UTRN: variants seen among roughly 807,000 people sequenced by gnomAD.
The protein encoded by UTRN is utrophin.
Under a neutral mutation model 463.9 loss-of-function variants are expected in UTRN, and 283 were observed. That is an observed-to-expected ratio of 0.61 (90% CI 0.55 to 0.67). The LOEUF (loss-of-function observed/expected upper bound fraction) is 0.67. Ranked by LOEUF, UTRN falls within the 30% of genes least tolerant of loss-of-function variation. The pLI, the probability that UTRN is intolerant of heterozygous loss-of-function variation, is 0.00. For synonymous variants in UTRN, 1,442 were observed against 1,431.5 expected, an observed-to-expected ratio of 1.01 and a Z score of -0.17; for missense variants, 3,922 against 4,084.3, an observed-to-expected ratio of 0.96 and a Z score of 1.08.
chr6:144,623,461 G>T (rs1775632365), intron 51 of UTRN, among the ~76,000 whole-genome samples: 1 of 152,110 alleles, frequency 6.6e-6, no homozygotes, highest in African/African-American at 2.4e-5. Context: ...CTAAGTACTT[G>T]TTACTCTTAA....
chr6:144,486,596 A>G (rs1194195402), intron 28 of UTRN, among the ~76,000 whole-genome samples: 1 of 151,912 alleles, frequency 6.6e-6, no homozygotes, highest in Non-Finnish European at 1.5e-5. Flanking sequence ...ATTTTGGCTC[A>G]CTGCAACCTC....
intron 41 of UTRN, among the ~76,000 whole-genome samples, chr6:144,526,661 C>T (rs761920821): frequency 6.6e-6 from 1 of 150,864 alleles, no homozygotes; most frequent in Non-Finnish European, 1.5e-5. Context: ...TTAAATGAAG[C>T]ATTTAGGCCA....
chr6:144,614,208 G>A (rs1805826870), intron 51 of UTRN, among the ~76,000 whole-genome samples: 1 of 152,110 alleles, frequency 6.6e-6, no homozygotes, highest in African/African-American at 2.4e-5. Flanking sequence ...GTGCTGTGGG[G>A]AGGTGTTGAA....
intron 2 of UTRN, among the ~76,000 whole-genome samples, chr6:144,327,180 G>A (rs548409664): frequency 6.6e-6 from 1 of 152,268 alleles, no homozygotes; most frequent in African/African-American, 2.4e-5. Flanking sequence ...AGAAAACAGG[G>A]AGGGGGTGAA....
intron 19 of UTRN, 41 bp from the exon 20 acceptor site, chr6:144,458,729 G>A: frequency 3.9e-6 from 6 of 1,528,684 alleles, no homozygotes; most frequent in Non-Finnish European, 5.2e-6. Context: ...GACACATTTT[G>A]TAATATATAG....
At chr6:144,719,977 G>A (rs1786937332) in intron 53 of UTRN, among the ~76,000 whole-genome samples, 1 of 152,252 alleles carries the variant, frequency 6.6e-6, no homozygotes, top group Non-Finnish European at 1.5e-5. Flanking sequence ...GTGACCCCAG[G>A]ATTTATTTCA....
rs537328705 is a variant in UTRN at position 144,689,582 on chromosome 6, C to G, written c.7653-10505C>G. ...TGCTGCTCCACTCAGTCTAGCAACC[C>G]ATTTGGACTGCCACAGTCCAGGCTG... On this transcript the variant is annotated intron_variant, in intron 52 of 74. Transcript: ENST00000367545. 2.6e-5 allele frequency among the ~76,000 whole-genome samples: 4 copies of G among 152,304 alleles called. No individual in the cohort carries two copies. In the South Asian group the frequency reaches 8.3e-4, roughly 32 times the overall value.
chr6:144,835,762 T>C lies in UTRN; in HGVS notation c.9666-18T>C. 6.2e-7 allele frequency: 1 copy of C among 1,613,498 alleles called. No individual in the cohort carries two copies. Among genetic ancestry groups the C allele is most frequent in the Non-Finnish European group, 8.5e-7 (1 of 1,179,744 alleles). Reference sequence around the variant, plus strand: ...ATCCAGATGTGAGCCTCTGGGTCTGTTTCCTTTGTCTTGCTAGGGAAGACG... The same window carrying C: ...ATCCAGATGTGAGCCTCTGGGTCTGCTTCCTTTGTCTTGCTAGGGAAGACG... On this transcript the variant is annotated intron_variant, in intron 69 of 74. Transcript: ENST00000367545.
intron 52 of UTRN, among the ~76,000 whole-genome samples, chr6:144,690,074 GTTTTTTTTT>G (rs1554339291): frequency 3.2e-5 from 1 of 31,266 alleles, no homozygotes. Context: ...AAAAGTTTCT[GTTTTTTTTT>G]TTTTTTTTTT....
intron 39 of UTRN, 38 bp downstream of exon 39, chr6:144,516,986 C>T (rs765990552): frequency 5.8e-6 from 8 of 1,387,128 alleles, no homozygotes; most frequent in Non-Finnish European, 6.6e-6. Flanking sequence ...ATTTAAATAC[C>T]TTACTTAACT....
intron 64 of UTRN, among the ~76,000 whole-genome samples, chr6:144,801,758 T>G (rs1314733727): frequency 2.0e-5 from 3 of 152,206 alleles, no homozygotes; most frequent in African/African-American, 7.2e-5. Context: ...AATCCAAGAC[T>G]GTTCTCTGTG....
chr6:144,694,971 GC>G (rs1236117140), intron 52 of UTRN, among the ~76,000 whole-genome samples: 3 of 126,454 alleles, frequency 2.4e-5, no homozygotes, highest in African/African-American at 9.1e-5. Context: ...TCTGCAGGTG[GC>G]CTTTTTTTTT....
At chr6:144,534,861 T>C (rs1797389173) in intron 43 of UTRN, among the ~76,000 whole-genome samples, 1 of 152,212 alleles carries the variant, frequency 6.6e-6, no homozygotes, top group Non-Finnish European at 1.5e-5. Context: ...AGCAATTTTC[T>C]ATAAATTTCT....
At chr6:144,495,231 A>G (rs1213467660) in intron 33 of UTRN, among the ~76,000 whole-genome samples, 1 of 152,174 alleles carries the variant, frequency 6.6e-6, no homozygotes, top group Non-Finnish European at 1.5e-5. Context: ...CCGGCCGCAC[A>G]GGAGCCCATG....
intron 51 of UTRN, among the ~76,000 whole-genome samples, chr6:144,613,646 G>A (rs1011225762): frequency 1.3e-5 from 2 of 151,994 alleles, no homozygotes; most frequent in African/African-American, 4.8e-5. Flanking sequence ...GACATGAAAG[G>A]ACTTTCTAGA....
At chr6:144,482,576 AT>A (rs1470930502) in intron 27 of UTRN, among the ~76,000 whole-genome samples, 188 bp downstream of exon 27, 1 of 152,132 alleles carries the variant, frequency 6.6e-6, no homozygotes, top group East Asian at 1.9e-4. Flanking sequence ...TTTGATAAAA[AT>A]GAAAGAGGGG....
rs149385653 is a variant in UTRN, at chr6:144,388,321, GT to G, written c.80-14793del. 4.7e-5 allele frequency among the ~76,000 whole-genome samples: 7 copies of G among 149,070 alleles called. No homozygotes were observed. The East Asian group carries it at 9.8e-4, about 21-fold the overall frequency. ...GAATATCATTTTTTTAACCTTTTGT[GT>G]TTTTTTTTAGAGACAGGGTCTTACT... On this transcript the variant is annotated intron_variant, in intron 2 of 74. Coordinates refer to ENST00000367545, the MANE Select transcript of UTRN (RefSeq NM_007124.3).
intron 57 of UTRN, among the ~76,000 whole-genome samples, chr6:144,755,742 A>G (rs934053002): frequency 2.0e-5 from 3 of 152,150 alleles, no homozygotes; most frequent in Non-Finnish European, 4.4e-5. Context: ...GGCAAAGCTT[A>G]TTTCTCAATT....
At chr6:144,788,472 C>A (rs1776474466) in intron 61 of UTRN, among the ~76,000 whole-genome samples, 1 of 151,592 alleles carries the variant, frequency 6.6e-6, no homozygotes. Flanking sequence ...ACTTTTCTTC[C>A]TGTATGAAGT....
Sources: gnomAD v4.1 joint callset for allele counts (sites outside exome capture counted in the v4.1 genomes callset) on GRCh38, gnomAD v4.1.1 for gene constraint, MANE v1.5 for transcripts, NCBI Gene and HGNC (gene_info 2026-07-23, HGNC 2026-07-21) for gene names.